PCDH11X: variants seen among roughly 807,000 people sequenced by gnomAD.
PCDH11X encodes protocadherin-11 X-linked.
PCDH11X carries 18 observed loss-of-function variants against 53.3 expected under a neutral mutation model. The observed-to-expected ratio is 0.34, with a 90% CI of 0.23 to 0.50. The LOEUF (loss-of-function observed/expected upper bound fraction) is 0.50, where lower values mean the gene tolerates loss of function less well. PCDH11X is among the 20% of genes least tolerant of loss of function. PCDH11X has a pLI of 0.98. For synonymous variants in PCDH11X, 279 were observed against 393.3 expected (o/e 0.71, Z 3.44); for missense variants, 570 against 1,032.4 (o/e 0.55, Z 6.14).
At chrX:91,973,627 T>C (rs1433483336) in intron 6 of PCDH11X, among the ~76,000 whole-genome samples, 1 of 99,888 alleles carries the variant, frequency 1.0e-5, no homozygotes. Flanking sequence ...TTTTTTTTTT[T>C]TTTTTGAGAC....
intron 7 of PCDH11X, among the ~76,000 whole-genome samples, chrX:92,232,056 C>A (rs1209259620): frequency 9.0e-6 from 1 of 111,631 alleles, no homozygotes; most frequent in Non-Finnish European, 1.9e-5. Context: ...AGTTTTGTGA[C>A]GAAAGAGAGA....
At chrX:92,442,116 T>G (rs1438803903) in intron 9 of PCDH11X, among the ~76,000 whole-genome samples, 2 of 111,507 alleles carry the variant, frequency 1.8e-5, no homozygotes, top group Non-Finnish European at 3.8e-5. Flanking sequence ...ATGGCTGTAT[T>G]TACTGAATGC....
At position 92,359,187 on chromosome X, in the gene PCDH11X, G is replaced by A. The variant is rs78612119; in HGVS notation, c.3145-28548G>A. Reference sequence around the variant, plus strand: ...GGAGGATAAACATGCATTATTTTGTGTATGAGTTATCTTCATATTTTGGAG... The same window carrying A: ...GGAGGATAAACATGCATTATTTTGTATATGAGTTATCTTCATATTTTGGAG... On this transcript the variant is annotated intron_variant, in intron 8 of 10. Coordinates refer to ENST00000682573, the MANE Select transcript of PCDH11X (RefSeq NM_032968.5). Among the ~76,000 whole-genome samples, 287 of 105,290 alleles carry A rather than the reference G, an allele frequency of 2.7e-3. 6 individuals carry two copies. In the East Asian group the frequency reaches 0.052, roughly 19 times the overall value. The allele number at this position is 105,290 out of a possible 115,157, so 91.4% of individuals were successfully genotyped here. A position where few individuals can be genotyped will look rare whatever the true frequency, so the allele number is the denominator to read the frequency against.
chrX:92,111,766 T>C (rs778224502), intron 6 of PCDH11X, among the ~76,000 whole-genome samples: 1 of 110,044 alleles, frequency 9.1e-6, no homozygotes, highest in African/African-American at 3.3e-5. Context: ...ATTTATTTAT[T>C]TATTTATCTG....
At position 92,383,374 on chromosome X, in the gene PCDH11X, G is replaced by C. The variant is rs777008488; in HGVS notation, c.3145-4361G>C. Among the ~76,000 whole-genome samples the C allele has an allele frequency of 7.6e-5, 8 of 105,615 alleles. No individual in the cohort carries two copies. The South Asian group carries it at 1.3e-3, about 17-fold the overall frequency. 91.7% of individuals were successfully genotyped at this position (105,615 alleles called of 115,157 possible). On this transcript the variant is annotated intron_variant, in intron 8 of 10. Transcript: ENST00000682573. Reference sequence around the variant, plus strand: ...AAGTTTTGGGATACATGTGCAGAACGTGCAGGTGTTTTACATAAGTATACA... The same window carrying C: ...AAGTTTTGGGATACATGTGCAGAACCTGCAGGTGTTTTACATAAGTATACA...
At chrX:91,863,417 C>T (rs1372747768) in intron 5 of PCDH11X, among the ~76,000 whole-genome samples, 1 of 111,639 alleles carries the variant, frequency 9.0e-6, no homozygotes, top group Non-Finnish European at 1.9e-5. Flanking sequence ...AGTATAGCTA[C>T]ACCTGCTCTT....
intron 7 of PCDH11X, among the ~76,000 whole-genome samples, chrX:92,234,078 T>C (rs2067128251): frequency 8.9e-6 from 1 of 112,244 alleles, no homozygotes; most frequent in Non-Finnish European, 1.9e-5. Context: ...AGTATTGTTA[T>C]AATTAGTTTC....
intron 6 of PCDH11X, among the ~76,000 whole-genome samples, chrX:91,919,554 C>G (rs1941678531): frequency 1.8e-5 from 2 of 111,010 alleles, no homozygotes; most frequent in Non-Finnish European, 3.8e-5. Flanking sequence ...CTCACCAAAG[C>G]TTTTGGAAAT....
At chrX:92,175,900 A>G (rs184330878) in intron 6 of PCDH11X, among the ~76,000 whole-genome samples, 157 of 109,041 alleles carry the variant, frequency 1.4e-3, no homozygotes, top group African/African-American at 5.1e-3. Flanking sequence ...TCTAATCTAT[A>G]ATTCCATGAA....
At chrX:92,051,191 G>A (rs1420670701) in intron 6 of PCDH11X, among the ~76,000 whole-genome samples, 1 of 111,285 alleles carries the variant, frequency 9.0e-6, no homozygotes, top group Non-Finnish European at 1.9e-5. Context: ...AACTTCTTGC[G>A]GTTCTCTTCC....
chrX:92,545,138 G>T lies in PCDH11X; in HGVS notation c.3368-73126G>T, dbSNP rs771100001. On this transcript the variant is annotated intron_variant, in intron 10 of 10. Coordinates refer to ENST00000682573, the MANE Select transcript of PCDH11X (RefSeq NM_032968.5). ...ATTATAGCTTTTGGTACACTCTGTG[G>T]GAGAGAGTAGGGAGAGAAGTTGTAA... is the stretch of plus-strand genomic sequence containing the variant. 3.0e-3 allele frequency among the ~76,000 whole-genome samples: 334 copies of T among 111,375 alleles called. 1 individual carries two copies. Among genetic ancestry groups the T allele is most frequent in the Non-Finnish European group, 4.4e-3 (234 of 53,087 alleles).
At chrX:92,504,848 T>C (rs1337949311) in intron 10 of PCDH11X, among the ~76,000 whole-genome samples, 1 of 110,653 alleles carries the variant, frequency 9.0e-6, no homozygotes, top group East Asian at 2.8e-4. Context: ...TTTCACTAAT[T>C]GTGGTTTTGA....
intron 8 of PCDH11X, among the ~76,000 whole-genome samples, chrX:92,355,659 AT>A (rs775251756): frequency 5.7e-5 from 6 of 104,713 alleles, no homozygotes; most frequent in African/African-American, 2.1e-4. Context: ...GTTTCCCTGC[AT>A]TTTTTTTGCA....
chrX:91,798,588 CA>C (rs1452874237), intron 1 of PCDH11X, among the ~76,000 whole-genome samples: 2,367 of 84,669 alleles, frequency 0.028, 56 homozygotes, highest in African/African-American at 0.085. Flanking sequence ...GACTCTGTCT[CA>C]AAAAAAAAAA....
chrX:91,970,854 C>A (rs1569284175), intron 6 of PCDH11X, among the ~76,000 whole-genome samples: 1 of 111,850 alleles, frequency 8.9e-6, no homozygotes. Flanking sequence ...AAGCACCTAA[C>A]ACAATGCTGG....
chrX:92,246,880 A>T (rs2067362089), intron 7 of PCDH11X, among the ~76,000 whole-genome samples: 1 of 111,864 alleles, frequency 8.9e-6, no homozygotes, highest in Admixed American at 9.6e-5. Flanking sequence ...GAAAGGAGGA[A>T]TGGAGAGAAA....
intron 6 of PCDH11X, among the ~76,000 whole-genome samples, chrX:91,998,918 T>C (rs1371218076): frequency 9.1e-6 from 1 of 109,924 alleles, no homozygotes; most frequent in East Asian, 2.8e-4. Flanking sequence ...TATTTTATTT[T>C]ATTTTATTTT....
intron 6 of PCDH11X, among the ~76,000 whole-genome samples, chrX:92,184,286 A>G (rs1042439594): frequency 8.9e-6 from 1 of 112,057 alleles, no homozygotes; most frequent in Non-Finnish European, 1.9e-5. Context: ...TTCGTTTATC[A>G]CTAGCCAATC....
chrX:92,052,364 A>G (rs1184637309), intron 6 of PCDH11X, among the ~76,000 whole-genome samples: 1 of 90,642 alleles, frequency 1.1e-5, no homozygotes, highest in East Asian at 3.6e-4. Context: ...CTAAGTCATT[A>G]AAGTGCTTTG....
Sources: gnomAD v4.1 joint callset for allele counts (sites outside exome capture counted in the v4.1 genomes callset) on GRCh38, gnomAD v4.1.1 for gene constraint, MANE v1.5 for transcripts, NCBI Gene and HGNC (gene_info 2026-07-23, HGNC 2026-07-21) for gene names.